The following INTS1 variants were observed in gnomAD, a reference collection of about 807,000 sequenced individuals.
The protein encoded by INTS1 is integrator complex subunit 1.
INTS1 carries 137 observed loss-of-function variants against 241.6 expected under a neutral mutation model. The ratio of observed to expected loss-of-function variants is 0.57; its 90% CI spans 0.49 to 0.65. The LOEUF (loss-of-function observed/expected upper bound fraction) is 0.65, where lower values mean the gene tolerates loss of function less well. Among genes scored for constraint, INTS1 ranks in the 30% least tolerant of loss-of-function variants. The pLI, the probability that INTS1 is intolerant of heterozygous loss-of-function variation, is 0.00. For missense variants in INTS1, 3,073 were observed against 3,032.2 expected (o/e 1.01, Z -0.32); for synonymous variants, 1,692 against 1,337.8 (o/e 1.26, Z -5.78).
intron 47 of INTS1, 52 bp downstream of exon 47, chr7:1,470,794 C>G: frequency 6.7e-7 from 1 of 1,491,078 alleles, no homozygotes; most frequent in Non-Finnish European, 9.1e-7. Flanking sequence ...GGGGACGCAC[C>G]TCCGGCCTCC....
chr7:1,497,375 C>T lies in INTS1; in HGVS notation c.1426-61G>A. The T allele has an allele frequency of 6.5e-7, 1 of 1,531,648 alleles. No individual in the cohort carries two copies. Among genetic ancestry groups the T allele is most frequent in the Middle Eastern group, 1.9e-4 (1 of 5,178 alleles). 94.9% of individuals were successfully genotyped at this position (1,531,648 alleles called of 1,614,324 possible). On this transcript the variant is annotated intron_variant, in intron 10 of 47. Coordinates refer to ENST00000404767, the MANE Select transcript of INTS1 (RefSeq NM_001080453.3). This position sits in a 1 kb window ranked among gnomAD's most constrained non-coding sequence, Gnocchi z 5.3. ...ACAGTGCTGTCCCTGTCACAGGCCC[C>T]TTCCCGCAGCACCAACAGGTATGGC...
In INTS1 at chr7:1,479,668, G is replaced by A. The variant is rs918181988; in HGVS notation, c.4091C>T (p.Pro1364Leu). 3.3e-5 allele frequency: 48 copies of A among 1,471,342 alleles called. No individual in the cohort carries two copies. Among genetic ancestry groups the A allele is most frequent in the Admixed American group, 1.0e-4 (4 of 38,974 alleles). 91.1% of individuals were successfully genotyped at this position (1,471,342 alleles called of 1,614,324 possible). ...GMFLQIFPLS[P>L]DPRWQSSSPR... ...ACTGGAGCTCTGCCACCGAGGGTCCGGGCTGAGCGGGAAAATCTGGAACGG... is the reference window on the plus strand; with the variant it reads ...ACTGGAGCTCTGCCACCGAGGGTCCAGGCTGAGCGGGAAAATCTGGAACGG... The change falls in exon 31 of 48, where the codon CCG becomes CTG. Residue 1364 changes from proline to leucine, a missense_variant. By Grantham distance (98) the Pro-to-Leu change is moderately conservative. Coordinates refer to ENST00000404767, the MANE Select transcript of INTS1 (RefSeq NM_001080453.3).
chr7:1,480,990 T>A (rs367721480), intron 28 of INTS1, 57 bp from the exon 29 acceptor site: 14 of 1,297,156 alleles, frequency 1.1e-5, no homozygotes, highest in Non-Finnish European at 1.4e-5. Context: ...GAGCAGGTCC[T>A]TCCCTCTCCA....
chr7:1,500,063 C>A, intron 4 of INTS1, 42 bp from the exon 5 acceptor site: 1 of 1,605,246 alleles, frequency 6.2e-7, no homozygotes. Context: ...TTCGCTGGCC[C>A]CAGAGGCAAA....
chr7:1,499,409 C>T, intron 6 of INTS1, 49 bp from the exon 7 acceptor site: 2 of 1,461,282 alleles, frequency 1.4e-6, no homozygotes, highest in South Asian at 1.2e-5. Flanking sequence ...CCCGCCCATC[C>T]TCCCACCCCT....
intron 39 of INTS1, 133 bp from the exon 40 acceptor site, chr7:1,474,971 G>A (rs1584259078): frequency 2.5e-6 from 3 of 1,186,220 alleles, no homozygotes; most frequent in East Asian, 5.3e-5. Flanking sequence ...GCTCCTTACG[G>A]CTTCCATGAG....
chr7:1,483,734 C>T lies in INTS1; in HGVS notation c.3541+8G>A, dbSNP rs768473283. 68 of 1,606,358 alleles carry T rather than the reference C, an allele frequency of 4.2e-5. No homozygotes were observed. The highest frequency in any genetic ancestry group is 3.7e-4 in the Admixed American group (22 of 59,950). On this transcript the variant is annotated splice_region_variant and intron_variant, in intron 26 of 47. Transcript: ENST00000404767. ...AAGCTGCCCCTCCCGGGGCCTGTGGCGGCTCACCTCGAGGCGGGCCCAGCG... is the reference window on the plus strand; with the variant it reads ...AAGCTGCCCCTCCCGGGGCCTGTGGTGGCTCACCTCGAGGCGGGCCCAGCG...
At chr7:1,501,545 T>G (rs141929710) in intron 3 of INTS1, among the ~76,000 whole-genome samples, 22 of 152,254 alleles carry the variant, frequency 1.4e-4, no homozygotes, top group Admixed American at 4.6e-4. Context: ...CCACTCAGAA[T>G]ACGCTTTTCA....
At chr7:1,473,027 ACTGTTCCGCAGCTG>A in intron 43 of INTS1, 31 bp downstream of exon 43, 1 of 1,337,174 alleles carries the variant, frequency 7.5e-7, no homozygotes, top group Non-Finnish European at 1.0e-6. Context: ...GCCCTGTAGG[ACTGTTCCGCAGCTG>A]CTTCCAGCAG....
Position 1,477,848 on chromosome 7 carries a change from C to G in INTS1, c.4719G>C (p.Pro1573=), listed in dbSNP as rs371705336. The part of the protein sequence containing the change: ...FFSATADAAS[P]FPACKPVVVV... ...CCACAACGGGCTTACAGGCTGGAAA[C>G]GGGGAGGCAGCATCCGCAGTGGCAG... The change falls in exon 34 of 48, where the codon CCG becomes CCC. Residue 1573 remains proline (P), a synonymous_variant. Coordinates refer to ENST00000404767, the MANE Select transcript of INTS1 (RefSeq NM_001080453.3). 13 of 1,612,600 alleles carry G rather than the reference C, an allele frequency of 8.1e-6. No homozygotes were observed. The East Asian group carries it at 2.2e-4, about 28-fold the overall frequency.
intron 3 of INTS1, among the ~76,000 whole-genome samples, chr7:1,502,263 T>G (rs963847708): frequency 6.6e-6 from 1 of 151,840 alleles, no homozygotes; most frequent in Non-Finnish European, 1.5e-5. Context: ...CTGGGGCTGG[T>G]GCGATAGCTG....
Position 1,496,227 on chromosome 7 carries a change from A to T in INTS1, c.1640T>A (p.Val547Glu). 6.2e-7 allele frequency: 1 copy of T among 1,613,780 alleles called. No homozygotes were observed. Among genetic ancestry groups the T allele is most frequent in the Non-Finnish European group, 8.5e-7 (1 of 1,179,810 alleles). ...FVVHITDVLA[V>E]SMMLGITAQV... The stretch of plus-strand genomic sequence containing the variant: ...CGCTGTGATGCCCAGCATCATGGAC[A>T]CGGCCAGGACGTCGGTGATGTGCAC... Residue 547 changes from valine (V) to glutamate (E), a missense_variant, in exon 12 of 48, where the codon GTG (valine) becomes GAG (glutamate). Coordinates refer to ENST00000404767, the MANE Select transcript of INTS1 (RefSeq NM_001080453.3).
rs760404456 is a variant in INTS1 at position 1,504,368 on chromosome 7, C to T, written c.-87G>A. The T allele has an allele frequency of 6.1e-6, 3 of 491,412 alleles. No homozygotes were observed. Among genetic ancestry groups the T allele is most frequent in the South Asian group, 4.6e-5 (3 of 65,216 alleles). 30.4% of individuals were successfully genotyped at this position (491,412 alleles called of 1,614,324 possible). A position where few individuals can be genotyped will look rare whatever the true frequency, so the allele number is the denominator to read the frequency against. On this transcript the variant is annotated 5_prime_UTR_variant, in exon 1 of 48. Transcript: ENST00000404767. ...AGCGCCGCCGCCGCCACCCGGCCAC[C>T]CCGGAATCGGAAACCGATCTCACCG...
intron 11 of INTS1, among the ~76,000 whole-genome samples, chr7:1,496,787 G>A (rs1259400505): frequency 6.6e-6 from 1 of 152,128 alleles, no homozygotes; most frequent in East Asian, 1.9e-4. Flanking sequence ...GCCTTCCAGC[G>A]CCAGCTCCCT....
chr7:1,502,787 C>G, intron 3 of INTS1, 114 bp downstream of exon 3: 1 of 1,177,500 alleles, frequency 8.5e-7, no homozygotes, highest in Non-Finnish European at 1.2e-6. Flanking sequence ...ATCCGCTCTC[C>G]CAAAGGACCT....
intron 16 of INTS1, 135 bp downstream of exon 16, chr7:1,492,870 TTACCC>T: frequency 1.9e-6 from 1 of 515,692 alleles, no homozygotes. Flanking sequence ...GGGCGCGGGC[TTACCC>T]GGGCGGGAGT....
chr7:1,498,263 C>T (rs986693916), intron 10 of INTS1, 149 bp downstream of exon 10: 2 of 1,236,368 alleles, frequency 1.6e-6, no homozygotes, highest in Admixed American at 2.2e-5. Flanking sequence ...CTCATGCCCA[C>T]GTGAGTTTCA....
At position 1,493,206 on chromosome 7, in the gene INTS1, T is replaced by TGGGG; in HGVS notation, c.2069-104_2069-101dup. Reference sequence around the variant, plus strand: ...CTGCTCGGGCCGCGTCGGGGTGGGGTGGGGGATGCCGCAGGGTGGGGCGCA... The same window carrying TGGGG: ...CTGCTCGGGCCGCGTCGGGGTGGGGTGGGGGGGGGATGCCGCAGGGTGGGGCGCA... On this transcript the variant is annotated intron_variant, in intron 15 of 47. Coordinates refer to ENST00000404767, the MANE Select transcript of INTS1 (RefSeq NM_001080453.3). The surrounding 1 kb of genome is among the most constrained non-coding windows in gnomAD (Gnocchi z 5.3). 1 of 460,734 alleles carries TGGGG rather than the reference T, an allele frequency of 2.2e-6. No homozygotes were observed. The allele number at this position is 460,734 out of a possible 1,614,324, so 28.5% of individuals were successfully genotyped here.
At chr7:1,499,439 A>G (rs1583162886) in intron 6 of INTS1, 34 bp downstream of exon 6, 1 of 1,158,068 alleles carries the variant, frequency 8.6e-7, no homozygotes. Context: ...TGGGGCTTGG[A>G]CACCCGCCCT....
Sources: allele counts gnomAD v4.1 joint callset (sites outside exome capture counted in the v4.1 genomes callset), GRCh38; gene constraint gnomAD v4.1.1; non-coding constraint Gnocchi (gnomAD v3.1); transcripts MANE v1.5; gene names NCBI Gene and HGNC (gene_info 2026-07-23, HGNC 2026-07-21).